Variants in COL6A3 observed in about 807,000 individuals in gnomAD.
COL6A3 encodes collagen type VI alpha 3 chain, also known as collagen alpha-3(VI) chain.
COL6A3 carries 137 observed loss-of-function variants against 274.1 expected under a neutral mutation model. That is an observed-to-expected ratio of 0.50 (90% CI 0.44 to 0.58). The LOEUF is 0.58. COL6A3 is among the 20% of genes least tolerant of loss of function. The pLI is 0.00. For missense variants in COL6A3, 3,950 were observed against 4,124.9 expected, an observed-to-expected ratio of 0.96 and a Z score of 1.16; for synonymous variants, 1,650 against 1,650.6, an observed-to-expected ratio of 1.00 and a Z score of 0.01.
chr2:237,356,571 G>C (rs2077322000), intron 23 of COL6A3, among the ~76,000 whole-genome samples: 1 of 152,158 alleles, frequency 6.6e-6, no homozygotes, highest in African/African-American at 2.4e-5. Context: ...GTGGCTGAGG[G>C]CCCAGTTCCC....
intron 24 of COL6A3, among the ~76,000 whole-genome samples, chr2:237,354,583 C>T (rs1559220476): frequency 6.6e-6 from 1 of 152,124 alleles, no homozygotes; most frequent in Non-Finnish European, 1.5e-5. Flanking sequence ...ACCTGGAAGC[C>T]TCCTCCCCTG....
chr2:237,395,867 A>G (rs2078426881), intron 2 of COL6A3, among the ~76,000 whole-genome samples: 1 of 152,208 alleles, frequency 6.6e-6, no homozygotes, highest in Non-Finnish European at 1.5e-5. Flanking sequence ...GTCAAACATT[A>G]TCTATCTCAT....
At position 237,387,971 on chromosome 2, in the gene COL6A3, G is replaced by T. The variant is rs2078192730; in HGVS notation, c.923C>A (p.Ala308Glu). ...ACCAGCAAACCCGAGGGCTTTCACT[G>T]CACCCAGAACCTGGGCCTTGGTGGA... Reference protein sequence around the residue: ...TYSTKAQVLGAVKALGFAGGE... With the variant: ...TYSTKAQVLGEVKALGFAGGE... Residue 308 changes from alanine (A) to glutamate (E), a missense_variant, in exon 4 of 44, where the codon GCA becomes GAA. Ala to Glu is a moderately radical substitution (Grantham distance 107). This residue lies in a region of COL6A3 where 1,934 missense variants were observed against 1,984.3 expected (regional missense o/e 0.97). Coordinates refer to ENST00000295550, the MANE Select transcript of COL6A3 (RefSeq NM_004369.4). 6.2e-6 allele frequency: 10 copies of T among 1,614,210 alleles called. No individual in the cohort carries two copies. Among genetic ancestry groups the T allele is most frequent in the Non-Finnish European group, 7.6e-6 (9 of 1,180,038 alleles).
chr2:237,348,298 C>G, intron 30 of COL6A3, 51 bp downstream of exon 30: 1 of 1,491,844 alleles, frequency 6.7e-7, no homozygotes, highest in African/African-American at 1.4e-5. Flanking sequence ...ATGGACATAC[C>G]AGAGCCATCC....
rs1037630319 is a variant in COL6A3 at position 237,340,869 on chromosome 2, C to T, written c.8047G>A (p.Val2683Met). Residue 2683 changes from valine (V) to methionine (M), a missense_variant, in exon 38 of 44, where the codon GTG becomes ATG. Physicochemically the swap from Val to Met is conservative, Grantham distance 21. Around this residue, in one of 5 missense-constraint regions of COL6A3, gnomAD observed 1,284 missense variants for 1,349.7 expected, o/e 0.95. Coordinates refer to ENST00000295550, the MANE Select transcript of COL6A3 (RefSeq NM_004369.4). ...ESVDNASMPP[V>M]KVEFSLTDYG... is the part of the protein sequence containing the mutation. ...TCAGTCAGGGAGAATTCCACCTTCA[C>T]AGGTGGCATGCTGGCATTGTCCACG... 6.2e-7 allele frequency: 1 copy of T among 1,613,746 alleles called. No individual in the cohort carries two copies. Among genetic ancestry groups the T allele is most frequent in the African/African-American group, 1.3e-5 (1 of 74,934 alleles).
rs751423800 is a variant in COL6A3 at position 237,381,510 on chromosome 2, C to T, written c.1313-11G>A. 1.3e-6 allele frequency: 2 copies of T among 1,592,840 alleles called. No individual in the cohort carries two copies. The highest frequency in any genetic ancestry group is 2.7e-5 in the African/African-American group (2 of 74,742). ...TGTTGACTTCAATGACTGTAGGTGG[C>T]AACATTATAAGGCAATTAGAATGGC... On this transcript the variant is annotated splice_polypyrimidine_tract_variant and intron_variant, in intron 4 of 43. Coordinates refer to ENST00000295550, the MANE Select transcript of COL6A3 (RefSeq NM_004369.4).
At position 237,414,021 on chromosome 2, in the gene COL6A3, C is replaced by A. The variant is rs947035950; in HGVS notation, c.-99G>T. On this transcript the variant is annotated 5_prime_UTR_variant, in exon 1 of 44. Transcript: ENST00000295550. Reference sequence around the variant, plus strand: ...CAATTAGGTTTGAATAGGATGCATACTTTTCCCACTCACTGCGTCTCTTTT... The same window carrying A: ...CAATTAGGTTTGAATAGGATGCATAATTTTCCCACTCACTGCGTCTCTTTT... 2 of 152,224 alleles carry A rather than the reference C, an allele frequency of 1.3e-5. No individual in the cohort carries two copies. Among genetic ancestry groups the A allele is most frequent in the Non-Finnish European group, 2.9e-5 (2 of 68,038 alleles). 9.4% of individuals were successfully genotyped at this position (152,224 alleles called of 1,614,324 possible). A position where few individuals can be genotyped will look rare whatever the true frequency, so the allele number is the denominator to read the frequency against.
At chr2:237,355,204 G>A in intron 23 of COL6A3, 2 of 471,798 alleles carry the variant, frequency 4.2e-6, no homozygotes. Flanking sequence ...GAGAATTACT[G>A]CAGACCTGCC....
In COL6A3 at chr2:237,344,436, C is replaced by T. The variant is rs1466852655; in HGVS notation, c.7582G>A (p.Glu2528Lys). 1 of 1,614,116 alleles carries T rather than the reference C, an allele frequency of 6.2e-7. No homozygotes were observed. Among genetic ancestry groups the T allele is most frequent in the East Asian group, 2.2e-5 (1 of 44,902 alleles). ...GCATCTGAGAGCTTGAGCACAGCCT[C>T]TCTGAGCTGTGGGGATGCTCTTGTG... ...TPTRASPQLR[E>K]AVLKLSDAGI... Residue 2528 changes from glutamate (E) to lysine (K), a missense_variant, in exon 36 of 44, where the codon GAG (glutamate) becomes AAG (lysine). By Grantham distance (56) the Glu-to-Lys change is moderately conservative. This residue lies in a region of COL6A3 where 1,284 missense variants were observed against 1,349.7 expected (regional missense o/e 0.95). Coordinates refer to ENST00000295550, the MANE Select transcript of COL6A3 (RefSeq NM_004369.4). The surrounding 1 kb of genome is among the most constrained non-coding windows in gnomAD (Gnocchi z 4.8).
chr2:237,340,324 A>G (rs564447688), intron 38 of COL6A3, 128 bp downstream of exon 38: 1 of 869,712 alleles, frequency 1.1e-6, no homozygotes, highest in African/African-American at 1.7e-5. Context: ...GTGTCAATAT[A>G]TGTCTGTTCA....
intron 28 of COL6A3, among the ~76,000 whole-genome samples, chr2:237,349,597 C>T (rs2077164274): frequency 7.8e-6 from 1 of 128,356 alleles, no homozygotes; most frequent in African/African-American, 2.6e-5. Flanking sequence ...CACAATGGAC[C>T]GTAGATTTCT....
At chr2:237,359,615 G>A (rs1019208832) in intron 17 of COL6A3, among the ~76,000 whole-genome samples, 13 of 152,242 alleles carry the variant, frequency 8.5e-5, no homozygotes, top group African/African-American at 3.1e-4. Context: ...TCCCTGGGCC[G>A]GCGGGGGTGG....
intron 36 of COL6A3, chr2:237,343,386 G>A (rs2077029845): frequency 6.7e-6 from 1 of 150,294 alleles, no homozygotes; most frequent in Non-Finnish European, 1.5e-5. Context: ...ATGGTGGCGA[G>A]TGCCTGTAAT....
At position 237,364,723 on chromosome 2, in the gene COL6A3, TATGTGTGCATGC is replaced by T. The variant is rs759694266; in HGVS notation, c.5839-307_5839-296del. 6.6e-6 allele frequency among the ~76,000 whole-genome samples: 1 copy of T among 152,158 alleles called. No individual in the cohort carries two copies. The highest frequency in any genetic ancestry group is 6.5e-5 in the Admixed American group (1 of 15,276). ...ATGTAGTTTCTGCGAATCATATGCA[TATGTGTGCATGC>T]ATGTGTGCGTGCATGTGTGTGCATG... is the stretch of plus-strand genomic sequence containing the variant. On this transcript the variant is annotated intron_variant, in intron 12 of 43. Transcript: ENST00000295550. This position sits in a 1 kb window ranked among gnomAD's most constrained non-coding sequence, Gnocchi z 4.6.
At chr2:237,327,633 A>AAT (rs1157245728) in intron 42 of COL6A3, 1 of 152,192 alleles carries the variant, frequency 6.6e-6, no homozygotes, top group Non-Finnish European at 1.5e-5. Flanking sequence ...AACCAAGAGA[A>AAT]ATATATTAGT....
intron 41 of COL6A3, 137 bp downstream of exon 41, chr2:237,334,489 T>G: frequency 1.4e-5 from 13 of 947,226 alleles, no homozygotes; most frequent in Non-Finnish European, 1.8e-5. Context: ...GCTGAGTTGT[T>G]TTGTTGTTGT....
In COL6A3 at chr2:237,380,914, C is replaced by A. The variant is rs1230578718; in HGVS notation, c.1897+1G>T. The A allele has an allele frequency of 1.9e-6, 3 of 1,613,450 alleles. No individual in the cohort carries two copies. Among genetic ancestry groups the A allele is most frequent in the South Asian group, 1.1e-5 (1 of 91,026 alleles). Reference sequence around the variant, plus strand: ...TGTGTCTGAAGCCATCACCACCATACCTTCAGGGGTTCCAGAGAGGGTCCT... The same window carrying A: ...TGTGTCTGAAGCCATCACCACCATAACTTCAGGGGTTCCAGAGAGGGTCCT... On this transcript the variant is annotated splice_donor_variant, in intron 5 of 43. Coordinates refer to ENST00000295550, the MANE Select transcript of COL6A3 (RefSeq NM_004369.4). LOFTEE classifies it high-confidence loss of function.
intron 4 of COL6A3, among the ~76,000 whole-genome samples, chr2:237,385,372 A>G (rs1161017287): frequency 6.6e-6 from 1 of 152,226 alleles, no homozygotes; most frequent in East Asian, 1.9e-4. Context: ...TTGAAACTCT[A>G]CTTGGCTAGG....
rs111755513 is a variant in COL6A3, at chr2:237,361,714, G to T, written c.6156+25C>A. 3 of 1,604,430 alleles carry T rather than the reference G, an allele frequency of 1.9e-6. No homozygotes were observed. Among genetic ancestry groups the T allele is most frequent in the East Asian group, 2.2e-5 (1 of 44,826 alleles). The stretch of plus-strand genomic sequence containing the variant: ...GGGCTTCTGACACCTCATCTCAGGC[G>T]TGGGCAAGGGTAAAGCCACCGTACC... On this transcript the variant is annotated intron_variant, in intron 15 of 43. Coordinates refer to ENST00000295550, the MANE Select transcript of COL6A3 (RefSeq NM_004369.4). This position sits in a 1 kb window ranked among gnomAD's most constrained non-coding sequence, Gnocchi z 5.1.
Sources: allele counts gnomAD v4.1 joint callset (sites outside exome capture counted in the v4.1 genomes callset), GRCh38; gene constraint gnomAD v4.1.1; regional missense constraint gnomAD v4.1.1; non-coding constraint Gnocchi (gnomAD v3.1); transcripts MANE v1.5; gene names NCBI Gene and HGNC (gene_info 2026-07-23, HGNC 2026-07-21).